Variants in STK35 observed in about 807,000 individuals in gnomAD.
STK35 encodes the protein serine/threonine kinase 35, also known as serine/threonine-protein kinase 35.
Under a neutral mutation model 37.3 loss-of-function variants are expected in STK35, and 17 were observed. That is an observed-to-expected ratio of 0.46 (90% confidence interval 0.31 to 0.68). The LOEUF (loss-of-function observed/expected upper bound fraction) is 0.68, where lower values mean the gene tolerates loss of function less well. Among genes scored for constraint, STK35 ranks in the 30% least tolerant of loss-of-function variants. STK35 has a pLI of 0.05. For synonymous variants in STK35, 385 were observed against 319.1 expected, an observed-to-expected ratio of 1.21 and a Z score of -2.20; for missense variants, 595 against 746.7, an observed-to-expected ratio of 0.80 and a Z score of 2.37.
Position 2,117,993 on chromosome 20 carries a change from A to T in STK35, c.*37+578A>T, listed in dbSNP as rs377115718. On this transcript the variant is annotated intron_variant, in intron 3 of 3. Coordinates refer to ENST00000381482, the MANE Select transcript of STK35 (RefSeq NM_080836.4). The surrounding 1 kb of genome is among the most constrained non-coding windows in gnomAD (Gnocchi z 4.4). ...CCTTTTTTTAGAAACGCTCTTTCTC[A>T]TCATTATAAATGCTCACTGTAGAAA... Among the ~76,000 whole-genome samples the T allele has an allele frequency of 6.6e-6, 1 of 152,302 alleles. No homozygotes were observed. Among genetic ancestry groups the T allele is most frequent in the East Asian group, 1.9e-4 (1 of 5,180 alleles).
At chr20:2,142,780 T>C (rs576322333) in intron 3 of STK35, among the ~76,000 whole-genome samples, 4 of 152,242 alleles carry the variant, frequency 2.6e-5, no homozygotes, top group East Asian at 3.9e-4. Context: ...GATGATTCCA[T>C]GTGCAACGAG....
At chr20:2,111,692 G>A (rs1985622402) in intron 2 of STK35, among the ~76,000 whole-genome samples, 3 of 152,162 alleles carry the variant, frequency 2.0e-5, no homozygotes, top group South Asian at 4.1e-4. Flanking sequence ...GAGCTAGACC[G>A]TTTCAAAATA....
intron 3 of STK35, among the ~76,000 whole-genome samples, chr20:2,134,974 G>A (rs1434112737): frequency 1.3e-5 from 2 of 152,148 alleles, no homozygotes; most frequent in East Asian, 3.8e-4. Flanking sequence ...TGCATCCTTG[G>A]GGTTAGAAGG....
In STK35 at chr20:2,116,733, T is replaced by C; in HGVS notation, c.960T>C (p.Gly320=). 6.2e-7 allele frequency: 1 copy of C among 1,614,172 alleles called. No homozygotes were observed. Among genetic ancestry groups the C allele is most frequent in the South Asian group, 1.1e-5 (1 of 91,082 alleles). ...GGTTTGTCATGGAGTTCTGTGAAGG[T>C]GGAGACCTGAATCAGTATGTCCTGT... ...YLWFVMEFCE[G]GDLNQYVLSR... Residue 320 remains glycine (G), a synonymous_variant, in exon 3 of 4, where the codon GGT becomes GGC. Transcript: ENST00000381482.
In STK35 at chr20:2,112,851, A is replaced by C. The variant is rs1045415668; in HGVS notation, c.893-3815A>C. Among the ~76,000 whole-genome samples the C allele has an allele frequency of 2.6e-5, 4 of 152,366 alleles. No homozygotes were observed. The South Asian group carries it at 8.3e-4, about 32-fold the overall frequency. ...TTATACAACTGTCAGATTATACCAGACAAGGGAATTATAAAACTTAAGTAA... is the reference window on the plus strand; with the variant it reads ...TTATACAACTGTCAGATTATACCAGCCAAGGGAATTATAAAACTTAAGTAA... On this transcript the variant is annotated intron_variant, in intron 2 of 3. Coordinates refer to ENST00000381482, the MANE Select transcript of STK35 (RefSeq NM_080836.4).
rs540372840 is a variant in STK35 at position 2,135,723 on chromosome 20, C to T, written c.*38-8061C>T. 4.9e-4 allele frequency among the ~76,000 whole-genome samples: 74 copies of T among 152,272 alleles called. No homozygotes were observed. In the Middle Eastern group the frequency reaches 0.01, roughly 21 times the overall value. Reference sequence around the variant, plus strand: ...ACTAAAAATACAAAAATTAGCCGGGCGTGGTGGTGCGCGCCTGTCTTCCCA... The same window carrying T: ...ACTAAAAATACAAAAATTAGCCGGGTGTGGTGGTGCGCGCCTGTCTTCCCA... On this transcript the variant is annotated intron_variant, in intron 3 of 3. Coordinates refer to ENST00000381482, the MANE Select transcript of STK35 (RefSeq NM_080836.4).
At chr20:2,140,703 T>A (rs1986159231) in intron 3 of STK35, among the ~76,000 whole-genome samples, 1 of 152,186 alleles carries the variant, frequency 6.6e-6, no homozygotes, top group Non-Finnish European at 1.5e-5. Context: ...CCAGAGCCAG[T>A]GCCAGAGCTA....
intron 2 of STK35, among the ~76,000 whole-genome samples, chr20:2,106,911 G>A (rs1228675805): frequency 6.6e-6 from 1 of 152,200 alleles, no homozygotes; most frequent in Non-Finnish European, 1.5e-5. Flanking sequence ...CTGAAGCCCA[G>A]AAAAGGGACA....
chr20:2,130,824 G>A (rs1213607703), intron 3 of STK35, among the ~76,000 whole-genome samples: 1 of 152,112 alleles, frequency 6.6e-6, no homozygotes, highest in Non-Finnish European at 1.5e-5. Context: ...TTATCTGGAC[G>A]GTCAGCCAGT....
chr20:2,140,417 C>T (rs1383531244), intron 3 of STK35, among the ~76,000 whole-genome samples: 1 of 152,206 alleles, frequency 6.6e-6, no homozygotes, highest in African/African-American at 2.4e-5. Context: ...TTTATTGTGC[C>T]CACAAGTACC....
chr20:2,106,793 A>G (rs1311578458), intron 2 of STK35, among the ~76,000 whole-genome samples: 1 of 152,214 alleles, frequency 6.6e-6, no homozygotes, highest in Non-Finnish European at 1.5e-5. Context: ...CATTCTGTGC[A>G]CAGACCAAAC....
intron 3 of STK35, among the ~76,000 whole-genome samples, chr20:2,128,290 T>C (rs1310462716): frequency 2.0e-5 from 3 of 152,132 alleles, no homozygotes; most frequent in Admixed American, 2.0e-4. Context: ...CCTTTTACCC[T>C]TTTACCTTCA....
chr20:2,127,643 GGT>G (rs1483182534), intron 3 of STK35, among the ~76,000 whole-genome samples: 3 of 152,172 alleles, frequency 2.0e-5, no homozygotes, highest in African/African-American at 4.8e-5. Context: ...ATGGTCCAGA[GGT>G]CCTCCTCCCT....
At chr20:2,124,736 TC>T (rs1985875665) in intron 3 of STK35, among the ~76,000 whole-genome samples, 1 of 152,144 alleles carries the variant, frequency 6.6e-6, no homozygotes, top group African/African-American at 2.4e-5. Flanking sequence ...AGCTCAGTCT[TC>T]AACTGTGAAG....
chr20:2,112,185 T>G (rs545992395), intron 2 of STK35, among the ~76,000 whole-genome samples: 8 of 152,344 alleles, frequency 5.3e-5, no homozygotes, highest in African/African-American at 1.9e-4. Flanking sequence ...ATTTTGTATT[T>G]CTTTACAGGA....
At chr20:2,104,601 AGTG>A (rs988321954) in intron 2 of STK35, among the ~76,000 whole-genome samples, 1 of 152,054 alleles carries the variant, frequency 6.6e-6, no homozygotes, top group Non-Finnish European at 1.5e-5. Context: ...CTTTTTTAAG[AGTG>A]GGTAGGATTT....
intron 3 of STK35, among the ~76,000 whole-genome samples, chr20:2,121,879 A>G (rs1412509633): frequency 6.6e-6 from 1 of 152,118 alleles, no homozygotes; most frequent in African/African-American, 2.4e-5. Flanking sequence ...CTGTAACTAG[A>G]GTGGATTTGA....
At chr20:2,105,035 T>C (rs1453050304) in intron 2 of STK35, among the ~76,000 whole-genome samples, 1 of 151,882 alleles carries the variant, frequency 6.6e-6, no homozygotes, top group Non-Finnish European at 1.5e-5. Flanking sequence ...CACAGGCTTA[T>C]AGTCCCAGCT....
At chr20:2,129,516 A>C (rs1985962966) in intron 3 of STK35, among the ~76,000 whole-genome samples, 1 of 151,992 alleles carries the variant, frequency 6.6e-6, no homozygotes, top group Non-Finnish European at 1.5e-5. Flanking sequence ...CCCACCAATA[A>C]AAAGGAAAAC....
Sources: gnomAD v4.1 joint callset for allele counts (sites outside exome capture counted in the v4.1 genomes callset) on GRCh38, gnomAD v4.1.1 for gene constraint, Gnocchi (gnomAD v3.1) non-coding constraint, MANE v1.5 for transcripts, NCBI Gene and HGNC (gene_info 2026-07-23, HGNC 2026-07-21) for gene names.